LRRC53: variants seen among roughly 807,000 people sequenced by gnomAD.
LRRC53 encodes the protein leucine-rich repeat-containing protein 53.
A neutral mutation model predicts 13.6 loss-of-function variants in LRRC53; 25 were observed. The ratio of observed to expected loss-of-function variants is 1.83; its 90% CI spans 1.34 to 2.56. The LOEUF is 2.56. Ranked by LOEUF, LRRC53 falls within the 30% of genes most tolerant of loss-of-function variation. The pLI, the probability that LRRC53 is intolerant of heterozygous loss-of-function variation, is 0.00. For synonymous variants in LRRC53, 204 were observed against 109.8 expected, an observed-to-expected ratio of 1.86 and a Z score of -5.37; for missense variants, 527 against 275.8, an observed-to-expected ratio of 1.91 and a Z score of -6.45.
At chr1:74,492,665 T>C (rs925240518) in intron 1 of LRRC53, among the ~76,000 whole-genome samples, 18 of 152,178 alleles carry the variant, frequency 1.2e-4, no homozygotes, top group African/African-American at 4.3e-4. Context: ...ATTCCATTCC[T>C]AGGAATATAC....
intron 1 of LRRC53, among the ~76,000 whole-genome samples, chr1:74,509,339 A>G (rs556994684): frequency 4.6e-5 from 7 of 152,290 alleles, no homozygotes; most frequent in African/African-American, 1.7e-4. Context: ...GAGGGTTTCA[A>G]TTTTTCTCTA....
chr1:74,508,555 A>G (rs1361671905), intron 1 of LRRC53, among the ~76,000 whole-genome samples: 1 of 152,184 alleles, frequency 6.6e-6, no homozygotes, highest in Non-Finnish European at 1.5e-5. Context: ...GAAAAGGGTT[A>G]AAAAATAGCC....
intron 1 of LRRC53, among the ~76,000 whole-genome samples, chr1:74,486,399 T>G (rs1383753599): frequency 6.6e-6 from 1 of 152,122 alleles, no homozygotes; most frequent in Non-Finnish European, 1.5e-5. Context: ...TACTTGATCA[T>G]TCAGATACTG....
chr1:74,498,559 T>C (rs1338206372), intron 1 of LRRC53, among the ~76,000 whole-genome samples: 1 of 152,204 alleles, frequency 6.6e-6, no homozygotes, highest in East Asian at 1.9e-4. Flanking sequence ...TATAATAAAC[T>C]AGGAAAATTA....
At position 74,475,441 on chromosome 1, in the gene LRRC53, C is replaced by G. The variant is rs1361108087; in HGVS notation, c.1274G>C (p.Cys425Ser). ...TCTCATATTTCCAGGAGGCTCTGAA[C>G]ATTCCGAATGCAGCAATCTACCATC... ...CQDGRLLHSE[C>S]SEPPGNMRAF... is the part of the protein sequence containing the mutation. The change falls in exon 4 of 5, where the codon TGT (cysteine) becomes TCT (serine). Residue 425 changes from cysteine to serine, a missense_variant. Physicochemically the swap from Cys to Ser is moderately radical, Grantham distance 112. Transcript: ENST00000294635. 1 of 717,156 alleles carries G rather than the reference C, an allele frequency of 1.4e-6. No homozygotes were observed. The highest frequency in any genetic ancestry group is 2.6e-6 in the Non-Finnish European group (1 of 384,892). 44.4% of individuals were successfully genotyped at this position (717,156 alleles called of 1,614,324 possible).
At chr1:74,486,539 A>G (rs1452013014) in intron 1 of LRRC53, among the ~76,000 whole-genome samples, 3 of 138,646 alleles carry the variant, frequency 2.2e-5, no homozygotes, top group Admixed American at 7.6e-5. Context: ...AAGCAGAAGG[A>G]TGGAGTTTCC....
intron 1 of LRRC53, among the ~76,000 whole-genome samples, chr1:74,507,337 C>T (rs1403728126): frequency 1.3e-5 from 2 of 151,708 alleles, no homozygotes; most frequent in Non-Finnish European, 1.5e-5. Flanking sequence ...ACTAGTTACC[C>T]ATCATGTTTG....
chr1:74,497,364 T>C lies in LRRC53; in HGVS notation c.-26-13989A>G, dbSNP rs1167809804. ...ACCACCTCTCTTGCACTCTTTTTTGTACTAAAATTTTCAAATATTCCCTTT... is the reference window on the plus strand; with the variant it reads ...ACCACCTCTCTTGCACTCTTTTTTGCACTAAAATTTTCAAATATTCCCTTT... On this transcript the variant is annotated intron_variant, in intron 1 of 4. Transcript: ENST00000294635. Among the ~76,000 whole-genome samples, 7 of 152,224 alleles carry C rather than the reference T, an allele frequency of 4.6e-5. No individual in the cohort carries two copies. In the East Asian group the frequency reaches 1.4e-3, roughly 29 times the overall value.
the LRRC53 span, among the ~76,000 whole-genome samples, chr1:74,526,943 A>C: frequency 6.6e-6 from 1 of 152,260 alleles, no homozygotes; most frequent in Non-Finnish European, 1.5e-5. Flanking sequence ...GTTTGCACTG[A>C]AACAGCAGAG....
chr1:74,470,493 A>C lies in LRRC53; in HGVS notation c.3129T>G (p.Val1043=). The change falls in exon 5 of 5, where the codon GTT becomes GTG. Residue 1043 remains valine (V), a synonymous_variant. Transcript: ENST00000294635. ...TTAGGTGCCAAACGGCTTGACTACT[A>C]ACAGGAGAAGTACTGATATCCTTGG... ...ELPKDISTSP[V]SSQAVWHLTN... The C allele has an allele frequency of 2.5e-6, 1 of 400,678 alleles. No homozygotes were observed. Among genetic ancestry groups the C allele is most frequent in the Non-Finnish European group, 4.4e-6 (1 of 226,208 alleles). The allele number at this position is 400,678 out of a possible 1,614,324, so 24.8% of individuals were successfully genotyped here. A position where few individuals can be genotyped will look rare whatever the true frequency, so the allele number is the denominator to read the frequency against.
chr1:74,482,139 AG>A (rs930911168), intron 2 of LRRC53, among the ~76,000 whole-genome samples: 71 of 152,282 alleles, frequency 4.7e-4, no homozygotes, highest in African/African-American at 1.6e-3. Context: ...TATGGGATGA[AG>A]GAGGTTTGTT....
chr1:74,495,280 C>G (rs1012581169), intron 1 of LRRC53, among the ~76,000 whole-genome samples: 18 of 152,170 alleles, frequency 1.2e-4, no homozygotes, highest in Non-Finnish European at 2.2e-4. Context: ...AATCCTTGCA[C>G]TACTTAAAAT....
the LRRC53 span, among the ~76,000 whole-genome samples, chr1:74,535,997 A>C: frequency 2.6e-5 from 4 of 152,244 alleles, no homozygotes; most frequent in South Asian, 8.3e-4. Context: ...TTCTTTTCTT[A>C]ATGTATCCAT....
chr1:74,512,120 G>A (rs980229899), intron 1 of LRRC53, among the ~76,000 whole-genome samples: 6 of 152,312 alleles, frequency 3.9e-5, no homozygotes, highest in African/African-American at 1.4e-4. Flanking sequence ...ACTGGATATA[G>A]CAGCCACCAG....
chr1:74,518,897 T>TTTG, the LRRC53 span, among the ~76,000 whole-genome samples: 1 of 111,196 alleles, frequency 9.0e-6, no homozygotes, highest in Non-Finnish European at 1.6e-5. Flanking sequence ...TTTTTTTTAT[T>TTTG]ATACTCTAAG....
At chr1:74,528,476 A>G in the LRRC53 span, among the ~76,000 whole-genome samples, 27 of 152,168 alleles carry the variant, frequency 1.8e-4, 1 homozygote, top group African/African-American at 5.8e-4. Flanking sequence ...GTAAAGGAGG[A>G]TATTTGTGTG....
At position 74,471,881 on chromosome 1, in the gene LRRC53, G is replaced by T. The variant is rs1407327936; in HGVS notation, c.1741C>A (p.Gln581Lys). 4 of 461,364 alleles carry T rather than the reference G, an allele frequency of 8.7e-6. No homozygotes were observed. The highest frequency in any genetic ancestry group is 1.1e-5 in the Non-Finnish European group (3 of 261,042). The allele number at this position is 461,364 out of a possible 1,614,324, so 28.6% of individuals were successfully genotyped here. ...SLICKYVPCE[Q>K]FEDYMKEKKP... Reference sequence around the variant, plus strand: ...TTTTCTTTCATGTAATCTTCAAATTGCTCACAGGGCACATATTTACAGATA... The same window carrying T: ...TTTTCTTTCATGTAATCTTCAAATTTCTCACAGGGCACATATTTACAGATA... The change falls in exon 5 of 5, where the codon CAA becomes AAA. Residue 581 changes from glutamine to lysine, a missense_variant. By Grantham distance (53) the Gln-to-Lys change is moderately conservative. Coordinates refer to ENST00000294635, the MANE Select transcript of LRRC53 (RefSeq NM_001382280.1).
chr1:74,527,038 T>G, the LRRC53 span, among the ~76,000 whole-genome samples: 2 of 152,254 alleles, frequency 1.3e-5, no homozygotes, highest in African/African-American at 2.4e-5. Context: ...TGCTGATCCC[T>G]GCCTGCTCTA....
At position 74,472,114 on chromosome 1, in the gene LRRC53, T is replaced by G. The variant is rs562836334; in HGVS notation, c.1508A>C (p.Glu503Ala). 1.2e-4 allele frequency: 86 copies of G among 717,248 alleles called. 2 individuals are homozygous for G. In the South Asian group the frequency reaches 1.2e-3, roughly 10 times the overall value. 44.4% of individuals were successfully genotyped at this position (717,248 alleles called of 1,614,324 possible). Residue 503 changes from glutamate to alanine, a missense_variant, in exon 5 of 5, where the codon GAA (glutamate) becomes GCA (alanine). Physicochemically the swap from Glu to Ala is moderately radical, Grantham distance 107 (BLOSUM62 -1). Transcript: ENST00000294635. Reference protein sequence around the residue: ...GESLEKRLTNESWQPPIEKED... With the variant: ...GESLEKRLTNASWQPPIEKED... The stretch of plus-strand genomic sequence containing the variant: ...TTTTTCTATTGGAGGCTGCCATGAT[T>G]CATTTGTTAAACGCTTCTCAAGACT...
Sources: gnomAD v4.1 joint callset for allele counts (sites outside exome capture counted in the v4.1 genomes callset) on GRCh38, gnomAD v4.1.1 for gene constraint, MANE v1.5 for transcripts, NCBI Gene and HGNC (gene_info 2026-07-23, HGNC 2026-07-21) for gene names.